Variants in NCOA1 observed in about 807,000 individuals in gnomAD.
The protein encoded by NCOA1 is nuclear receptor coactivator 1.
A neutral mutation model predicts 150.9 loss-of-function variants in NCOA1; 35 were observed. The observed-to-expected ratio is 0.23, with a 90% confidence interval of 0.18 to 0.31. NCOA1 has a LOEUF of 0.31. NCOA1 is among the 10% of genes least tolerant of loss of function. The probability of loss-of-function intolerance (pLI) is 1.00; values close to 1 mark genes in which losing one functional copy is unlikely to be tolerated. For synonymous variants in NCOA1, 590 were observed against 630.0 expected (o/e 0.94, Z 0.95); for missense variants, 1,491 against 1,749.3 (o/e 0.85, Z 2.63).
chr2:24,638,845 A>ATTG (rs200948958), intron 3 of NCOA1, among the ~76,000 whole-genome samples: 4 of 151,998 alleles, frequency 2.6e-5, no homozygotes, highest in East Asian at 3.9e-4. Context: ...TTAAAATCAG[A>ATTG]TTGTTGTTGT....
At chr2:24,720,960 TAGTTTA>T (rs1204884064) in intron 14 of NCOA1, among the ~76,000 whole-genome samples, 1 of 152,230 alleles carries the variant, frequency 6.6e-6, no homozygotes, top group Non-Finnish European at 1.5e-5. Flanking sequence ...TTGCATAGGA[TAGTTTA>T]ATTATCATCC....
At chr2:24,733,228 T>C (rs1663110402) in intron 17 of NCOA1, among the ~76,000 whole-genome samples, 1 of 152,190 alleles carries the variant, frequency 6.6e-6, no homozygotes, top group African/African-American at 2.4e-5. Flanking sequence ...GATAAAATAG[T>C]GAACTGAGGT....
At chr2:24,535,030 T>TC (rs1289923847) in intron 1 of NCOA1, among the ~76,000 whole-genome samples, 1 of 152,170 alleles carries the variant, frequency 6.6e-6, no homozygotes, top group Non-Finnish European at 1.5e-5. Flanking sequence ...TATTGATCTG[T>TC]CTAATATTGA....
chr2:24,496,288 A>G (rs1256812791), intron 1 of NCOA1, among the ~76,000 whole-genome samples: 1 of 152,242 alleles, frequency 6.6e-6, no homozygotes, highest in African/African-American at 2.4e-5. Flanking sequence ...AATGTAAATC[A>G]TTTAAACTGA....
chr2:24,534,166 T>G (rs1665021741), intron 1 of NCOA1, among the ~76,000 whole-genome samples: 1 of 152,218 alleles, frequency 6.6e-6, no homozygotes, highest in South Asian at 2.1e-4. Context: ...CCTGGTTTAG[T>G]CTTGGGAAGG....
chr2:24,713,013 G>A (rs1266011439), intron 14 of NCOA1, among the ~76,000 whole-genome samples: 1 of 152,124 alleles, frequency 6.6e-6, no homozygotes, highest in Non-Finnish European at 1.5e-5. Flanking sequence ...CGGATCACCT[G>A]AGGTCAGGAG....
chr2:24,655,610 T>G (rs1232538048), intron 4 of NCOA1, among the ~76,000 whole-genome samples: 1 of 152,160 alleles, frequency 6.6e-6, no homozygotes, highest in African/African-American at 2.4e-5. Context: ...TTGACATGAT[T>G]AGATATACAC....
intron 3 of NCOA1, among the ~76,000 whole-genome samples, chr2:24,622,572 A>G (rs1669218107): frequency 6.6e-6 from 1 of 152,228 alleles, no homozygotes; most frequent in Non-Finnish European, 1.5e-5. Flanking sequence ...GGATATACCA[A>G]TTTCTATTCC....
rs1431521355 is a variant in NCOA1 at position 24,706,989 on chromosome 2, T to C, written c.1519T>C (p.Ser507Pro). Residue 507 changes from serine (S) to proline (P), a missense_variant, in exon 13 of 23, where the codon TCC (serine) becomes CCC (proline). Ser to Pro is a moderately conservative substitution (Grantham distance 74). Transcript: ENST00000348332. ...LATRPRMPNN[S>P]FPPNISTLSS... ...AACAAGGCCCAGGATGCCAAACAAT[T>C]CCTTTCCTCCTAATATTTCGACATT... 5 of 1,613,996 alleles carry C rather than the reference T, an allele frequency of 3.1e-6. No homozygotes were observed. Among genetic ancestry groups the C allele is most frequent in the Non-Finnish European group, 3.4e-6 (4 of 1,180,028 alleles).
chr2:24,631,346 G>A (rs1302725454), intron 3 of NCOA1, among the ~76,000 whole-genome samples: 1 of 152,092 alleles, frequency 6.6e-6, no homozygotes, highest in South Asian at 2.1e-4. Context: ...CCATCAAAAA[G>A]TATATCCTAA....
intron 12 of NCOA1, 84 bp downstream of exon 12, chr2:24,705,317 T>C: frequency 7.2e-7 from 1 of 1,390,986 alleles, no homozygotes. Context: ...TCTTGATGGC[T>C]AGAAAGCAGA....
At chr2:24,715,781 C>T (rs1674003397) in intron 14 of NCOA1, among the ~76,000 whole-genome samples, 1 of 152,122 alleles carries the variant, frequency 6.6e-6, no homozygotes, top group African/African-American at 2.4e-5. Context: ...GATTGTAAGA[C>T]ACAATTTTGT....
intron 1 of NCOA1, among the ~76,000 whole-genome samples, chr2:24,500,514 G>A (rs1014004512): frequency 3.3e-5 from 5 of 152,302 alleles, no homozygotes; most frequent in Admixed American, 2.6e-4. Flanking sequence ...GTTTACAGGG[G>A]CTTGGGTAAC....
chr2:24,555,026 C>A (rs369000729), intron 1 of NCOA1, among the ~76,000 whole-genome samples: 1 of 151,656 alleles, frequency 6.6e-6, no homozygotes, highest in Non-Finnish European at 1.5e-5. Flanking sequence ...CAGACACACA[C>A]GAGGAGTTTA....
At chr2:24,516,956 GTATA>G (rs1286859615) in intron 1 of NCOA1, among the ~76,000 whole-genome samples, 8 of 14,404 alleles carry the variant, frequency 5.6e-4, no homozygotes, top group African/African-American at 6.7e-4. Flanking sequence ...ATATATACAA[GTATA>G]TATACGTATA....
At chr2:24,515,971 A>G (rs1031299653) in intron 1 of NCOA1, among the ~76,000 whole-genome samples, 3 of 152,172 alleles carry the variant, frequency 2.0e-5, no homozygotes, top group African/African-American at 2.4e-5. Flanking sequence ...TTTTAGTTCT[A>G]CTTCTGCTCT....
intron 1 of NCOA1, among the ~76,000 whole-genome samples, chr2:24,549,527 A>G (rs935505335): frequency 6.6e-6 from 1 of 151,996 alleles, no homozygotes; most frequent in Non-Finnish European, 1.5e-5. Flanking sequence ...TTTCTTCTCT[A>G]TCACATTGTC....
chr2:24,516,576 G>C (rs1007001506), intron 1 of NCOA1, among the ~76,000 whole-genome samples: 6 of 151,612 alleles, frequency 4.0e-5, no homozygotes, highest in Non-Finnish European at 8.8e-5. Flanking sequence ...TGTCACTGCT[G>C]TTAACTGATC....
intron 1 of NCOA1, among the ~76,000 whole-genome samples, chr2:24,500,558 C>T (rs1173352004): frequency 6.6e-6 from 1 of 152,134 alleles, no homozygotes; most frequent in Non-Finnish European, 1.5e-5. Flanking sequence ...AAATAGTAGA[C>T]TCAACACTAT....
Sources: allele counts gnomAD v4.1 joint callset (sites outside exome capture counted in the v4.1 genomes callset), GRCh38; gene constraint gnomAD v4.1.1; transcripts MANE v1.5; gene names NCBI Gene and HGNC (gene_info 2026-07-23, HGNC 2026-07-21).